OTUD3: variants seen among roughly 807,000 people sequenced by gnomAD.
OTUD3 encodes OTU deubiquitinase 3.
A neutral mutation model predicts 46.2 loss-of-function variants in OTUD3; 24 were observed. The ratio of observed to expected loss-of-function variants is 0.52; its 90% CI spans 0.38 to 0.73. The LOEUF is 0.73. OTUD3 is among the 30% of genes least tolerant of loss of function. The probability of loss-of-function intolerance (pLI) is 0.00; values close to 1 mark genes in which losing one functional copy is unlikely to be tolerated. For synonymous variants in OTUD3, 189 were observed against 195.4 expected, an observed-to-expected ratio of 0.97 and a Z score of 0.27; for missense variants, 455 against 523.3, an observed-to-expected ratio of 0.87 and a Z score of 1.27.
At chr1:19,890,227 TC>T (rs1391283480) in intron 1 of OTUD3, among the ~76,000 whole-genome samples, 157 bp from the exon 2 acceptor site, 2 of 152,176 alleles carry the variant, frequency 1.3e-5, no homozygotes, top group Admixed American at 1.3e-4. Flanking sequence ...CCTCATGCTG[TC>T]CCCCGTGGTC....
In OTUD3 at chr1:19,902,336, G is replaced by C. The variant is rs534802255; in HGVS notation, c.607-1931G>C. On this transcript the variant is annotated intron_variant, in intron 4 of 7. Coordinates refer to ENST00000375120, the MANE Select transcript of OTUD3 (RefSeq NM_015207.2). ...TTCTTCTGCCTCAGCCTCCCGAGTA[G>C]CTGGGACTACAGGGACCCACCGCCA... is the stretch of plus-strand genomic sequence containing the variant. Among the ~76,000 whole-genome samples, 17 of 152,220 alleles carry C rather than the reference G, an allele frequency of 1.1e-4. No homozygotes were observed. In the East Asian group the frequency reaches 3.1e-3, roughly 28 times the overall value.
At position 19,904,387 on chromosome 1, in the gene OTUD3, A is replaced by C. The variant is rs142250482; in HGVS notation, c.727A>C (p.Thr243Pro). ...EDAVQKVCNA[T>P]GCSDFNLIVQ... ...TGCTGTCCAGAAAGTTTGTAATGCAACTGGATGTTCAGTTAGTATTTCTGT... is the reference window on the plus strand; with the variant it reads ...TGCTGTCCAGAAAGTTTGTAATGCACCTGGATGTTCAGTTAGTATTTCTGT... Residue 243 changes from threonine to proline, a missense_variant, in exon 5 of 8, where the codon ACT becomes CCT. By Grantham distance (38) the Thr-to-Pro change is conservative. Coordinates refer to ENST00000375120, the MANE Select transcript of OTUD3 (RefSeq NM_015207.2). 1.4e-5 allele frequency: 23 copies of C among 1,610,680 alleles called. No individual in the cohort carries two copies. The highest frequency in any genetic ancestry group is 2.0e-5 in the Non-Finnish European group (23 of 1,178,962).
rs992476206 is a variant in OTUD3, at chr1:19,904,291, T to A, written c.631T>A (p.Ser211Thr). Reference protein sequence around the residue: ...TDFQMLHQDESNKREKIKTKG... With the variant: ...TDFQMLHQDETNKREKIKTKG... ...GTTTCAGATGCTTCATCAAGATGAA[T>A]CAAATAAAAGAGAAAAGATCAAGAC... Residue 211 changes from serine (S) to threonine (T), a missense_variant, in exon 5 of 8, where the codon TCA becomes ACA. By Grantham distance (58) the Ser-to-Thr change is moderately conservative. Transcript: ENST00000375120. 1.2e-6 allele frequency: 2 copies of A among 1,604,892 alleles called. No homozygotes were observed. Among genetic ancestry groups the A allele is most frequent in the Non-Finnish European group, 1.7e-6 (2 of 1,175,972 alleles).
chr1:19,882,817 C>A (rs1327365420), intron 1 of OTUD3, 83 bp downstream of exon 1: 1 of 1,191,420 alleles, frequency 8.4e-7, no homozygotes, highest in Non-Finnish European at 1.1e-6. Flanking sequence ...TCGCGTCCAT[C>A]CATCCATTCA....
chr1:19,892,291 T>C (rs2045457007), intron 2 of OTUD3, among the ~76,000 whole-genome samples: 1 of 152,202 alleles, frequency 6.6e-6, no homozygotes, highest in African/African-American at 2.4e-5. Context: ...GTGTGTCAGT[T>C]GAAGGCTTGG....
At chr1:19,896,237 A>G (rs562166732) in intron 3 of OTUD3, among the ~76,000 whole-genome samples, 3 of 152,080 alleles carry the variant, frequency 2.0e-5, no homozygotes, top group South Asian at 4.2e-4. Flanking sequence ...TTTTCTGGTT[A>G]TAATTGGAAT....
chr1:19,899,400 T>A (rs1224208445), intron 4 of OTUD3, among the ~76,000 whole-genome samples: 1 of 152,248 alleles, frequency 6.6e-6, no homozygotes, highest in East Asian at 1.9e-4. Context: ...CTGTGCTTTT[T>A]AAATTTAACA....
chr1:19,903,506 A>G (rs1292573620), intron 4 of OTUD3, among the ~76,000 whole-genome samples: 1 of 152,136 alleles, frequency 6.6e-6, no homozygotes, highest in East Asian at 1.9e-4. Context: ...TATACTGTAC[A>G]TTGCTGGAGT....
intron 2 of OTUD3, among the ~76,000 whole-genome samples, chr1:19,891,994 T>TC (rs2045453581): frequency 6.6e-6 from 1 of 152,340 alleles, no homozygotes; most frequent in East Asian, 1.9e-4. Flanking sequence ...AAAACATCAT[T>TC]TTGGATGAAA....
chr1:19,882,466 G>T lies in OTUD3; in HGVS notation c.-48G>T. The stretch of plus-strand genomic sequence containing the variant: ...CCCAACGCTTGAGGCGGACGCTGGG[G>T]GGTCCTGCGCCTTTCCCTCCTGCCG... On this transcript the variant is annotated 5_prime_UTR_variant, in exon 1 of 8. Transcript: ENST00000375120. The T allele has an allele frequency of 7.5e-7, 1 of 1,330,688 alleles. No homozygotes were observed. The highest frequency in any genetic ancestry group is 9.6e-7 in the Non-Finnish European group (1 of 1,045,736). The allele number at this position is 1,330,688 out of a possible 1,614,324, so 82.4% of individuals were successfully genotyped here.
Position 19,902,657 on chromosome 1 carries a change from G to C in OTUD3, c.607-1610G>C, listed in dbSNP as rs184406224. Among the ~76,000 whole-genome samples, 132 of 152,178 alleles carry C rather than the reference G, an allele frequency of 8.7e-4. 3 individuals carry two copies. In the East Asian group the frequency reaches 0.021, roughly 24 times the overall value. ...TGGGTTCTGCCTTTTTGAGTTGTAAGAGTTTTTTAATATATTCTAGATGCT... is the reference window on the plus strand; with the variant it reads ...TGGGTTCTGCCTTTTTGAGTTGTAACAGTTTTTTAATATATTCTAGATGCT... On this transcript the variant is annotated intron_variant, in intron 4 of 7. Coordinates refer to ENST00000375120, the MANE Select transcript of OTUD3 (RefSeq NM_015207.2).
chr1:19,904,472 G>A (rs1017867235), intron 5 of OTUD3, 74 bp downstream of exon 5: 24 of 1,415,558 alleles, frequency 1.7e-5, no homozygotes, highest in Non-Finnish European at 1.9e-5. Context: ...TAGTTTCGTA[G>A]CACCTCTCTA....
chr1:19,883,733 G>A lies in OTUD3; in HGVS notation c.221+999G>A, dbSNP rs147093686. Among the ~76,000 whole-genome samples the A allele has an allele frequency of 5.4e-3, 825 of 152,160 alleles. 10 individuals are homozygous for A. The highest frequency in any genetic ancestry group is 0.018 in the African/African-American group (761 of 41,494). The stretch of plus-strand genomic sequence containing the variant: ...TGGCTTCAAGCGATCCTCCTGCCTC[G>A]GCCTCCCAAAGTGCCTAGATTACAG... On this transcript the variant is annotated intron_variant, in intron 1 of 7. Transcript: ENST00000375120.
intron 6 of OTUD3, 41 bp from the exon 7 acceptor site, chr1:19,906,391 T>C: frequency 6.3e-7 from 1 of 1,587,678 alleles, no homozygotes; most frequent in Non-Finnish European, 8.6e-7. Flanking sequence ...CCTGTGTAAC[T>C]CTCAGGTTCT....
intron 4 of OTUD3, 125 bp from the exon 5 acceptor site, chr1:19,904,142 G>T: frequency 1.6e-6 from 1 of 606,908 alleles, no homozygotes. Flanking sequence ...GTTCTCTTAA[G>T]GTTGTTTCTA....
intron 4 of OTUD3, among the ~76,000 whole-genome samples, chr1:19,901,872 T>C (rs1214531873): frequency 1.3e-5 from 2 of 152,258 alleles, no homozygotes; most frequent in East Asian, 3.8e-4. Flanking sequence ...CTGAATAATA[T>C]TCCATTGTTT....
At chr1:19,896,555 C>G (rs1028241281) in intron 3 of OTUD3, among the ~76,000 whole-genome samples, 1 of 152,202 alleles carries the variant, frequency 6.6e-6, no homozygotes, top group African/African-American at 2.4e-5. Context: ...AGCTTCCACG[C>G]TACTGACATC....
At chr1:19,887,097 T>TTTTTC (rs1557673523) in intron 1 of OTUD3, among the ~76,000 whole-genome samples, 3 of 147,546 alleles carry the variant, frequency 2.0e-5, no homozygotes, top group Non-Finnish European at 3.0e-5. Context: ...TTTTTTTTTT[T>TTTTTC]TGGAGACATT....
At chr1:19,894,832 G>C (rs1361790436) in intron 3 of OTUD3, among the ~76,000 whole-genome samples, 2 of 152,100 alleles carry the variant, frequency 1.3e-5, no homozygotes, top group Non-Finnish European at 2.9e-5. Context: ...CTGAGCATGT[G>C]GTTTCTGTTA....
Sources: gnomAD v4.1 joint callset for allele counts (sites outside exome capture counted in the v4.1 genomes callset) on GRCh38, gnomAD v4.1.1 for gene constraint, MANE v1.5 for transcripts, NCBI Gene and HGNC (gene_info 2026-07-23, HGNC 2026-07-21) for gene names.